The following OLA1 variants were observed in gnomAD, a reference collection of about 807,000 sequenced individuals.
OLA1 encodes obg-like ATPase 1.
In OLA1, 14 loss-of-function variants were observed where a neutral mutation model predicts 48.4. The ratio of observed to expected loss-of-function variants is 0.29; its 90% CI spans 0.19 to 0.45. OLA1 has a LOEUF of 0.45. Ranked by LOEUF, OLA1 falls within the 20% of genes least tolerant of loss-of-function variation. The pLI, the probability that OLA1 is intolerant of heterozygous loss-of-function variation, is 1.00. For missense variants in OLA1, 325 were observed against 467.1 expected (o/e 0.70, Z 2.80); for synonymous variants, 127 against 150.4 (o/e 0.84, Z 1.14).
chr2:174,222,804 T>C (rs1244290560), intron 4 of OLA1, among the ~76,000 whole-genome samples: 1 of 152,172 alleles, frequency 6.6e-6, no homozygotes, highest in African/African-American at 2.4e-5. Context: ...GGGAATAAAG[T>C]TCAATTAGAA....
intron 4 of OLA1, among the ~76,000 whole-genome samples, chr2:174,162,986 G>A (rs1474314776): frequency 6.6e-6 from 1 of 152,186 alleles, no homozygotes; most frequent in Non-Finnish European, 1.5e-5. Flanking sequence ...GGAGGGTCCA[G>A]TGAGCCTTGA....
At chr2:174,115,906 G>C (rs1685770487) in intron 7 of OLA1, among the ~76,000 whole-genome samples, 1 of 152,160 alleles carries the variant, frequency 6.6e-6, no homozygotes, top group African/African-American at 2.4e-5. Flanking sequence ...TACTCCATGA[G>C]ACTGTAAGTC....
intron 5 of OLA1, among the ~76,000 whole-genome samples, chr2:174,135,175 A>AAG (rs1226749511): frequency 5.7e-4 from 86 of 151,770 alleles, no homozygotes; most frequent in Non-Finnish European, 1.1e-3. Context: ...AAAAAAAAAA[A>AAG]AAAAGAAATG....
chr2:174,136,941 C>G (rs1686324367), intron 5 of OLA1, among the ~76,000 whole-genome samples: 1 of 152,142 alleles, frequency 6.6e-6, no homozygotes, highest in Non-Finnish European at 1.5e-5. Context: ...TCCCAAAGTG[C>G]TGGGATTATA....
At chr2:174,202,968 T>C (rs1688022949) in intron 4 of OLA1, among the ~76,000 whole-genome samples, 1 of 152,170 alleles carries the variant, frequency 6.6e-6, no homozygotes, top group Non-Finnish European at 1.5e-5. Flanking sequence ...TTAACCCCTG[T>C]GTTGTTCAAG....
chr2:174,102,463 G>A (rs949597527), intron 7 of OLA1, among the ~76,000 whole-genome samples: 3 of 151,424 alleles, frequency 2.0e-5, no homozygotes, highest in Admixed American at 6.6e-5. Context: ...AAGCAGAAGA[G>A]GGTGTCATGA....
intron 4 of OLA1, among the ~76,000 whole-genome samples, chr2:174,158,844 A>G (rs973634979): frequency 6.6e-6 from 1 of 152,322 alleles, no homozygotes; most frequent in East Asian, 1.9e-4. Flanking sequence ...ATATTTATCT[A>G]AAGTCCTCTA....
chr2:174,220,930 C>T (rs766959767), intron 4 of OLA1, among the ~76,000 whole-genome samples: 1 of 152,108 alleles, frequency 6.6e-6, no homozygotes, highest in Non-Finnish European at 1.5e-5. Flanking sequence ...ATATATCTGA[C>T]TGTTGAAATT....
At chr2:174,160,926 AC>A (rs1355737523) in intron 4 of OLA1, among the ~76,000 whole-genome samples, 1 of 152,206 alleles carries the variant, frequency 6.6e-6, no homozygotes, top group African/African-American at 2.4e-5. Context: ...GCTTCACAGA[AC>A]CCTAAACGAC....
At chr2:174,220,878 G>A (rs982666599) in intron 4 of OLA1, among the ~76,000 whole-genome samples, 4 of 151,900 alleles carry the variant, frequency 2.6e-5, no homozygotes, top group Non-Finnish European at 5.9e-5. Context: ...CCTAACTTTC[G>A]GATGTTCTAA....
At chr2:174,098,149 G>C (rs1161621357) in intron 7 of OLA1, among the ~76,000 whole-genome samples, 1 of 152,154 alleles carries the variant, frequency 6.6e-6, no homozygotes, top group East Asian at 1.9e-4. Context: ...GTTACAAATA[G>C]GCACGTGAAA....
intron 1 of OLA1, chr2:174,247,594 C>T (rs1041649862): frequency 3.2e-6 from 5 of 1,542,286 alleles, no homozygotes; most frequent in Non-Finnish European, 3.5e-6. Context: ...TCACACCAAA[C>T]CATTCCTCTA....
chr2:174,184,354 A>G (rs1687607400), intron 4 of OLA1, among the ~76,000 whole-genome samples: 1 of 152,172 alleles, frequency 6.6e-6, no homozygotes, highest in Admixed American at 6.5e-5. Flanking sequence ...TTACCTCTAT[A>G]ATATTCTTTC....
intron 7 of OLA1, among the ~76,000 whole-genome samples, chr2:174,090,001 T>C (rs964887180): frequency 1.3e-5 from 2 of 151,946 alleles, no homozygotes; most frequent in African/African-American, 4.8e-5. Flanking sequence ...GGAGTCTAGA[T>C]TCAGAATATA....
chr2:174,164,736 A>G (rs1463236082), intron 4 of OLA1, among the ~76,000 whole-genome samples: 2 of 152,176 alleles, frequency 1.3e-5, no homozygotes, highest in Admixed American at 6.5e-5. Context: ...GCATTTATCT[A>G]TACTCTCTTC....
chr2:174,193,079 A>C (rs1483266284), intron 4 of OLA1, among the ~76,000 whole-genome samples: 1 of 141,014 alleles, frequency 7.1e-6, no homozygotes, highest in Non-Finnish European at 1.5e-5. Context: ...TTCTTAAAAT[A>C]TTTCTTTCTT....
chr2:174,240,289 A>T (rs556006253), intron 2 of OLA1: 1 of 152,202 alleles, frequency 6.6e-6, no homozygotes, highest in Non-Finnish European at 1.5e-5. Flanking sequence ...CACTCCTGAT[A>T]GGTCACCATA....
intron 4 of OLA1, among the ~76,000 whole-genome samples, chr2:174,157,321 T>C (rs1355417749): frequency 6.6e-6 from 1 of 152,052 alleles, no homozygotes; most frequent in Non-Finnish European, 1.5e-5. Flanking sequence ...GATCAGCATA[T>C]AATAAAAACA....
chr2:174,155,649 T>C (rs1558980501), intron 4 of OLA1, among the ~76,000 whole-genome samples: 2 of 152,170 alleles, frequency 1.3e-5, no homozygotes, highest in Admixed American at 1.3e-4. Flanking sequence ...TTTTAGTAAA[T>C]ACAAACAATT....
Sources: allele counts gnomAD v4.1 joint callset (sites outside exome capture counted in the v4.1 genomes callset), GRCh38; gene constraint gnomAD v4.1.1; transcripts MANE v1.5; gene names NCBI Gene and HGNC (gene_info 2026-07-23, HGNC 2026-07-21).